KCNK13: variants seen among roughly 807,000 people sequenced by gnomAD.
KCNK13 encodes the protein potassium channel subfamily K member 13.
A neutral mutation model predicts 23.4 loss-of-function variants in KCNK13; 12 were observed. That is an observed-to-expected ratio of 0.51 (90% CI 0.33 to 0.83). The LOEUF (loss-of-function observed/expected upper bound fraction) is 0.83, where lower values mean the gene tolerates loss of function less well. KCNK13 is among the 40% of genes least tolerant of loss of function. The pLI is 0.02. For missense variants in KCNK13, 463 were observed against 556.3 expected, an observed-to-expected ratio of 0.83 and a Z score of 1.69; for synonymous variants, 231 against 229.5, an observed-to-expected ratio of 1.01 and a Z score of -0.06.
rs527554760 is a variant in KCNK13 at position 90,076,777 on chromosome 14, A to C, written c.334+14238A>C. Among the ~76,000 whole-genome samples the C allele has an allele frequency of 7.1e-4, 108 of 152,258 alleles. 1 individual carries two copies. Among genetic ancestry groups the C allele is most frequent in the Non-Finnish European group, 1.3e-3 (90 of 68,016 alleles). On this transcript the variant is annotated intron_variant, in intron 1 of 1. Coordinates refer to ENST00000282146, the MANE Select transcript of KCNK13 (RefSeq NM_022054.4). The stretch of plus-strand genomic sequence containing the variant: ...TTGGAAGGTACTCTGTGAGCAGTTA[A>C]TGTCTTGCTCAATTGTTTTTCTATT...
At chr14:90,155,663 C>T (rs925079487) in intron 1 of KCNK13, among the ~76,000 whole-genome samples, 5 of 152,044 alleles carry the variant, frequency 3.3e-5, no homozygotes, top group African/African-American at 7.2e-5. Flanking sequence ...CTTGATGGAT[C>T]GGATGTGTCA....
At chr14:90,114,788 G>C (rs982615271) in intron 1 of KCNK13, among the ~76,000 whole-genome samples, 10 of 152,136 alleles carry the variant, frequency 6.6e-5, no homozygotes, top group Non-Finnish European at 1.0e-4. Flanking sequence ...TAGGTTGTTG[G>C]TTTCTCTCCT....
chr14:90,107,201 C>G (rs546216996), intron 1 of KCNK13, among the ~76,000 whole-genome samples: 1 of 150,794 alleles, frequency 6.6e-6, no homozygotes, highest in Non-Finnish European at 1.5e-5. Context: ...ACATGTTGGC[C>G]GGGCATGGTG....
chr14:90,133,907 G>A (rs1226251309), intron 1 of KCNK13, among the ~76,000 whole-genome samples: 1 of 152,154 alleles, frequency 6.6e-6, no homozygotes, highest in Non-Finnish European at 1.5e-5. Flanking sequence ...TGCTTTCTCA[G>A]TATAACTCCA....
chr14:90,120,240 G>A (rs1889721281), intron 1 of KCNK13, among the ~76,000 whole-genome samples: 1 of 152,162 alleles, frequency 6.6e-6, no homozygotes, highest in Admixed American at 6.6e-5. Flanking sequence ...CACAAAAGAT[G>A]TGATCTTATT....
chr14:90,136,150 T>C (rs1394103435), intron 1 of KCNK13, among the ~76,000 whole-genome samples: 1 of 151,782 alleles, frequency 6.6e-6, no homozygotes, highest in Admixed American at 6.6e-5. Flanking sequence ...TGACAGCAGA[T>C]GGGACAAGCA....
chr14:90,142,028 C>A (rs55726172), intron 1 of KCNK13, among the ~76,000 whole-genome samples: 1 of 151,448 alleles, frequency 6.6e-6, no homozygotes, highest in Non-Finnish European at 1.5e-5. Context: ...ACCTCATGAT[C>A]CGTCCGCCTC....
At chr14:90,097,582 T>C (rs1259861417) in intron 1 of KCNK13, among the ~76,000 whole-genome samples, 2 of 152,102 alleles carry the variant, frequency 1.3e-5, no homozygotes, top group Admixed American at 1.3e-4. Context: ...ATTCAAACCA[T>C]AGCCAAACAA....
chr14:90,173,786 A>AGC (rs1389192543), intron 1 of KCNK13, among the ~76,000 whole-genome samples: 1 of 152,210 alleles, frequency 6.6e-6, no homozygotes, highest in African/African-American at 2.4e-5. Flanking sequence ...GATATCTTGA[A>AGC]GCAGGGGCTT....
At chr14:90,140,084 G>A (rs1889987580) in intron 1 of KCNK13, among the ~76,000 whole-genome samples, 1 of 152,200 alleles carries the variant, frequency 6.6e-6, no homozygotes, top group Admixed American at 6.5e-5. Flanking sequence ...TTGGGATGCA[G>A]GACCCACCAT....
At chr14:90,146,963 C>T (rs1395204143) in intron 1 of KCNK13, among the ~76,000 whole-genome samples, 1 of 152,010 alleles carries the variant, frequency 6.6e-6, no homozygotes, top group Admixed American at 6.6e-5. Flanking sequence ...ATTCAGTAAC[C>T]ATTAAAGGTT....
intron 1 of KCNK13, among the ~76,000 whole-genome samples, chr14:90,136,242 A>G (rs1889935303): frequency 6.6e-6 from 1 of 152,136 alleles, no homozygotes; most frequent in Non-Finnish European, 1.5e-5. Flanking sequence ...TTTCCTGCAG[A>G]TGAAATGGAT....
chr14:90,062,407 C>G lies in KCNK13; in HGVS notation c.202C>G (p.Arg68Gly). ...ANFSRGHNLS[R>G]DELRGFLRHY... ...CTTCAGCCGCGGCCACAACCTGAGC[C>G]GCGACGAGCTGCGCGGCTTCCTCCG... The change falls in exon 1 of 2, where the codon CGC becomes GGC. Residue 68 changes from arginine to glycine, a missense_variant. Around this residue, in one of 3 missense-constraint regions of KCNK13, gnomAD observed 153 missense variants for 153.6 expected, o/e 1.00. Coordinates refer to ENST00000282146, the MANE Select transcript of KCNK13 (RefSeq NM_022054.4). The surrounding 1 kb of genome is among the most constrained non-coding windows in gnomAD (Gnocchi z 4.5). The G allele has an allele frequency of 1.9e-6, 3 of 1,547,256 alleles. No homozygotes were observed. In the South Asian group the frequency reaches 3.6e-5, roughly 18 times the overall value.
At chr14:90,069,890 A>G (rs1428996679) in intron 1 of KCNK13, among the ~76,000 whole-genome samples, 2 of 152,206 alleles carry the variant, frequency 1.3e-5, no homozygotes, top group African/African-American at 4.8e-5. Flanking sequence ...CCACACAGCT[A>G]TAAAGTGGCA....
chr14:90,168,953 A>G (rs967511522), intron 1 of KCNK13, among the ~76,000 whole-genome samples: 1 of 152,168 alleles, frequency 6.6e-6, no homozygotes, highest in Non-Finnish European at 1.5e-5. Flanking sequence ...GCCTGCCACC[A>G]TGTAAGACAT....
At chr14:90,153,207 C>T (rs1890156257) in intron 1 of KCNK13, among the ~76,000 whole-genome samples, 1 of 152,154 alleles carries the variant, frequency 6.6e-6, no homozygotes, top group African/African-American at 2.4e-5. Context: ...AGACCCTAGT[C>T]AGAATTAGGT....
intron 1 of KCNK13, among the ~76,000 whole-genome samples, chr14:90,132,671 A>G (rs1028110349): frequency 2.2e-4 from 34 of 152,226 alleles, no homozygotes; most frequent in African/African-American, 8.0e-4. Flanking sequence ...TGAGGTCTGC[A>G]GATGGTGGTG....
intron 1 of KCNK13, among the ~76,000 whole-genome samples, chr14:90,183,694 A>G (rs550450645): frequency 1.3e-5 from 2 of 152,322 alleles, no homozygotes; most frequent in East Asian, 1.9e-4. Flanking sequence ...ATGAGTCTGT[A>G]TAAGCCTCTT....
intron 1 of KCNK13, among the ~76,000 whole-genome samples, chr14:90,071,172 C>G (rs1315775753): frequency 6.6e-6 from 1 of 152,114 alleles, no homozygotes; most frequent in Non-Finnish European, 1.5e-5. Context: ...CTATCCCTTT[C>G]TCTATGAAGG....
Sources: gnomAD v4.1 joint callset for allele counts (sites outside exome capture counted in the v4.1 genomes callset) on GRCh38, gnomAD v4.1.1 for gene constraint, gnomAD v4.1.1 regional missense constraint, Gnocchi (gnomAD v3.1) non-coding constraint, MANE v1.5 for transcripts, NCBI Gene and HGNC (gene_info 2026-07-23, HGNC 2026-07-21) for gene names.